PCDHGB3: variants seen among roughly 807,000 people sequenced by gnomAD.
The protein encoded by PCDHGB3 is protocadherin gamma-B3.
PCDHGB3 carries 40 observed loss-of-function variants against 59.2 expected under a neutral mutation model. The ratio of observed to expected loss-of-function variants is 0.68; its 90% CI spans 0.52 to 0.88. PCDHGB3 has a LOEUF of 0.88. Ranked by LOEUF, PCDHGB3 falls within the 40% of genes least tolerant of loss-of-function variation. The probability of loss-of-function intolerance (pLI) is 0.00; values close to 1 mark genes in which losing one functional copy is unlikely to be tolerated. For missense variants in PCDHGB3, 1,309 were observed against 1,187.9 expected (o/e 1.10, Z -1.50); for synonymous variants, 581 against 503.6 (o/e 1.15, Z -2.06).
At chr5:141,372,942 T>C in intron 1 of PCDHGB3, 133 bp downstream of exon 1, 1 of 786,954 alleles carries the variant, frequency 1.3e-6, no homozygotes. Context: ...GAGTAGGGTG[T>C]CTAGGAAATT....
chr5:141,384,160 A>G, intron 1 of PCDHGB3: 1 of 1,613,640 alleles, frequency 6.2e-7, no homozygotes, highest in African/African-American at 1.3e-5. Flanking sequence ...GTATAACATC[A>G]CACTGAAAGC....
At chr5:141,475,322 G>A (rs1352768659) in intron 1 of PCDHGB3, among the ~76,000 whole-genome samples, 1 of 152,204 alleles carries the variant, frequency 6.6e-6, no homozygotes, top group African/African-American at 2.4e-5. Flanking sequence ...CTTAAGAAAT[G>A]AGAGCTAACA....
At chr5:141,453,786 A>G (rs2098774297) in intron 1 of PCDHGB3, among the ~76,000 whole-genome samples, 1 of 152,252 alleles carries the variant, frequency 6.6e-6, no homozygotes, top group Non-Finnish European at 1.5e-5. Flanking sequence ...TTACCATGGT[A>G]TATTAACTTT....
intron 1 of PCDHGB3, chr5:141,389,107 T>C (rs1349471179): frequency 1.2e-6 from 2 of 1,613,940 alleles, no homozygotes; most frequent in Non-Finnish European, 8.5e-7. Context: ...GATGCTGTTC[T>C]AGACCGCGAG....
intron 1 of PCDHGB3, among the ~76,000 whole-genome samples, chr5:141,463,990 G>A (rs2099073582): frequency 6.6e-6 from 1 of 151,990 alleles, no homozygotes; most frequent in Non-Finnish European, 1.5e-5. Flanking sequence ...TAAAAACCAG[G>A]TGCAGTGGCT....
intron 2 of PCDHGB3, among the ~76,000 whole-genome samples, chr5:141,497,393 CT>C (rs1035907100): frequency 2.1e-4 from 32 of 152,254 alleles, no homozygotes; most frequent in African/African-American, 7.5e-4. Context: ...CACCTTACCC[CT>C]GCCTCAACTC....
chr5:141,432,014 A>C lies in PCDHGB3; in HGVS notation c.2415+59205A>C, dbSNP rs778393699. Reference sequence around the variant, plus strand: ...GGATAGGGAACAGGTTCCTAGCTACAACATCACAGTGACCGCCACTGACCG... The same window carrying C: ...GGATAGGGAACAGGTTCCTAGCTACCACATCACAGTGACCGCCACTGACCG... On this transcript the variant is annotated intron_variant, in intron 1 of 3. Transcript: ENST00000576222. This position sits in a 1 kb window ranked among gnomAD's most constrained non-coding sequence, Gnocchi z 6.0. 16 of 1,614,196 alleles carry C rather than the reference A, an allele frequency of 9.9e-6. 1 individual carries two copies. In the South Asian group the frequency reaches 1.6e-4, roughly 17 times the overall value.
At position 141,511,916 on chromosome 5, in the gene PCDHGB3, C is replaced by T. The variant is rs2099884006; in HGVS notation, c.*743C>T. ...CCACCTCCTCCTCAAACAAGAGACT[C>T]CACTGCATGTTCCAAGACAGTATGG... On this transcript the variant is annotated 3_prime_UTR_variant, in exon 4 of 4. Coordinates refer to ENST00000576222, the MANE Select transcript of PCDHGB3 (RefSeq NM_018924.5). The T allele has an allele frequency of 6.4e-6, 1 of 156,466 alleles. No individual in the cohort carries two copies. The highest frequency in any genetic ancestry group is 2.4e-5 in the African/African-American group (1 of 41,474). The allele number at this position is 156,466 out of a possible 1,614,324, so 9.7% of individuals were successfully genotyped here.
Position 141,511,176 on chromosome 5 carries a change from T to C in PCDHGB3, c.*3T>C, listed in dbSNP as rs375508988. On this transcript the variant is annotated 3_prime_UTR_variant, in exon 4 of 4. Transcript: ENST00000576222. ...CGGGCAAGAAGGAGAAGAAGTAACA[T>C]GGAGGCCAGGCCAAGAGCCACAGGG... 198 of 1,614,046 alleles carry C rather than the reference T, an allele frequency of 1.2e-4. 1 individual carries two copies. The highest frequency in any genetic ancestry group is 6.5e-5 in the Non-Finnish European group (77 of 1,179,964).
At position 141,476,379 on chromosome 5, in the gene PCDHGB3, T is replaced by TTCA. The variant is rs768549633; in HGVS notation, c.2416-18428_2416-18427insTCA. 9 of 1,614,126 alleles carry TTCA rather than the reference T, an allele frequency of 5.6e-6. No homozygotes were observed. The East Asian group carries it at 2.0e-4, about 36-fold the overall frequency. ...AACCGGGAGACCGGAGAGATGTTTG[T>TTCA]GAACGACCGTCTGGATCGAGAGGAG... On this transcript the variant is annotated intron_variant, in intron 1 of 3. Transcript: ENST00000576222. This position sits in a 1 kb window ranked among gnomAD's most constrained non-coding sequence, Gnocchi z 7.6.
In PCDHGB3 at chr5:141,485,234, T is replaced by A. The variant is rs780126313; in HGVS notation, c.2416-9573T>A. 1 of 1,614,124 alleles carries A rather than the reference T, an allele frequency of 6.2e-7. No homozygotes were observed. The highest frequency in any genetic ancestry group is 1.1e-5 in the South Asian group (1 of 91,080). On this transcript the variant is annotated intron_variant, in intron 1 of 3. Transcript: ENST00000576222. This position sits in a 1 kb window ranked among gnomAD's most constrained non-coding sequence, Gnocchi z 5.7. ...GCGGTGGGCTACCCTTTTGTTCCTC[T>A]TTTACCACCTGGGTTACGTTTGTGG...
At chr5:141,417,673 C>G in intron 1 of PCDHGB3, 3 of 970,368 alleles carry the variant, frequency 3.1e-6, no homozygotes, top group Non-Finnish European at 2.9e-6. Context: ...CCTGCGCAGC[C>G]AACAACAGAA....
chr5:141,414,376 T>G, intron 1 of PCDHGB3: 1 of 1,613,824 alleles, frequency 6.2e-7, no homozygotes, highest in Non-Finnish European at 8.5e-7. Flanking sequence ...ATTAGAAAAG[T>G]CCATTGACAG....
chr5:141,445,341 A>G (rs1165606147), intron 1 of PCDHGB3, among the ~76,000 whole-genome samples: 2 of 152,218 alleles, frequency 1.3e-5, no homozygotes, highest in African/African-American at 4.8e-5. Context: ...AACAGTAAAC[A>G]TTGGTGTCTG....
At chr5:141,426,048 A>G (rs2096911760) in intron 1 of PCDHGB3, among the ~76,000 whole-genome samples, 1 of 152,182 alleles carries the variant, frequency 6.6e-6, no homozygotes, top group Non-Finnish European at 1.5e-5. Context: ...CTGTTGGCCA[A>G]TGTGCTGCAA....
In PCDHGB3 at chr5:141,431,457, T is replaced by C; in HGVS notation, c.2415+58648T>C. ...ACCGCGCGCATCCGCGTGATGGTTC[T>C]GGATGCGAACGACAACGCACCAGCG... On this transcript the variant is annotated intron_variant, in intron 1 of 3. Transcript: ENST00000576222. This position sits in a 1 kb window ranked among gnomAD's most constrained non-coding sequence, Gnocchi z 4.8. 6.2e-7 allele frequency: 1 copy of C among 1,613,818 alleles called. No homozygotes were observed. Among genetic ancestry groups the C allele is most frequent in the South Asian group, 1.1e-5 (1 of 91,088 alleles).
intron 1 of PCDHGB3, chr5:141,427,865 G>T: frequency 6.4e-7 from 1 of 1,558,148 alleles, no homozygotes; most frequent in Non-Finnish European, 8.8e-7. Context: ...GCGCCTTCGA[G>T]CTCACGATGC....
intron 1 of PCDHGB3, chr5:141,383,693 A>C (rs771447649): frequency 3.7e-6 from 6 of 1,613,930 alleles, no homozygotes; most frequent in Non-Finnish European, 5.1e-6. Context: ...CTCACGGTAC[A>C]TGCTATCGAC....
At chr5:141,392,571 G>A (rs920993262) in intron 1 of PCDHGB3, 5 of 449,626 alleles carry the variant, frequency 1.1e-5, no homozygotes, top group African/African-American at 1.0e-4. Flanking sequence ...TAACTATTTA[G>A]GACTGTAAGC....
Sources: allele counts gnomAD v4.1 joint callset (sites outside exome capture counted in the v4.1 genomes callset), GRCh38; gene constraint gnomAD v4.1.1; non-coding constraint Gnocchi (gnomAD v3.1); transcripts MANE v1.5; gene names NCBI Gene and HGNC (gene_info 2026-07-23, HGNC 2026-07-21).